Variants in LOC128462377 observed in about 807,000 individuals in gnomAD.
At chr16:89,398,132 C>T in the LOC128462377 span, among the ~76,000 whole-genome samples, 20 of 151,714 alleles carry the variant, frequency 1.3e-4, no homozygotes, top group African/African-American at 4.4e-4. Context: ...AAGAGGGACA[C>T]TGTGAAACAG....
the LOC128462377 span, among the ~76,000 whole-genome samples, chr16:89,373,948 G>A: frequency 3.9e-3 from 588 of 152,352 alleles, 3 homozygotes; most frequent in African/African-American, 0.014. Context: ...ACCACCAAGC[G>A]GGCTGGGGCC....
chr16:89,388,293 ATTTTTTTTTTTTT>A, the LOC128462377 span, among the ~76,000 whole-genome samples: 6 of 85,266 alleles, frequency 7.0e-5, no homozygotes, highest in African/African-American at 2.6e-4. Flanking sequence ...CATGAGGCTG[ATTTTTTTTTTTTT>A]TTTTTTTTTG....
At chr16:89,355,680 C>G in the LOC128462377 span, among the ~76,000 whole-genome samples, 1 of 152,112 alleles carries the variant, frequency 6.6e-6, no homozygotes, top group Non-Finnish European at 1.5e-5. Flanking sequence ...ATAAGTAAAA[C>G]AAGAAAAAAC....
At chr16:89,318,287 A>G in the LOC128462377 span, among the ~76,000 whole-genome samples, 1 of 152,116 alleles carries the variant, frequency 6.6e-6, no homozygotes, top group Non-Finnish European at 1.5e-5. Flanking sequence ...GTTCACCATC[A>G]CAGCCAGGCC....
chr16:89,368,371 G>GTTTTTTT, the LOC128462377 span, among the ~76,000 whole-genome samples: 1 of 56,594 alleles, frequency 1.8e-5, no homozygotes, highest in Non-Finnish European at 3.7e-5. Flanking sequence ...TAATTTTTGT[G>GTTTTTTT]TTTTTTTTTT....
the LOC128462377 span, among the ~76,000 whole-genome samples, chr16:89,337,426 A>ATTTT: frequency 2.7e-4 from 12 of 43,778 alleles, no homozygotes; most frequent in Admixed American, 5.2e-4. Flanking sequence ...GGTCTAAGCA[A>ATTTT]TTCTTTTTTT....
chr16:89,359,484 C>T, the LOC128462377 span, among the ~76,000 whole-genome samples: 18 of 152,210 alleles, frequency 1.2e-4, no homozygotes, highest in African/African-American at 2.7e-4. Context: ...CCCACTGCTT[C>T]GGGATGCAGA....
chr16:89,402,639 G>T, the LOC128462377 span, among the ~76,000 whole-genome samples: 1 of 150,936 alleles, frequency 6.6e-6, no homozygotes, highest in South Asian at 2.1e-4. Context: ...CTGTGGGTGG[G>T]GGGGGCAGCA....
chr16:89,370,698 G>C, the LOC128462377 span: 1 of 152,424 alleles, frequency 6.6e-6, no homozygotes, highest in African/African-American at 2.4e-5. Context: ...TCCACGGCAG[G>C]ACCCGAGAGC....
the LOC128462377 span, among the ~76,000 whole-genome samples, chr16:89,336,343 T>C: frequency 6.6e-6 from 1 of 152,206 alleles, no homozygotes; most frequent in Non-Finnish European, 1.5e-5. Flanking sequence ...TCCAAGATTG[T>C]CGTCAGACCT....
At chr16:89,380,231 G>GC in the LOC128462377 span, among the ~76,000 whole-genome samples, 1 of 152,044 alleles carries the variant, frequency 6.6e-6, no homozygotes, top group East Asian at 1.9e-4. Flanking sequence ...TCCTGTCTCT[G>GC]CCCCCCGAGT....
chr16:89,367,105 A>C, the LOC128462377 span, among the ~76,000 whole-genome samples: 2 of 152,038 alleles, frequency 1.3e-5, no homozygotes, highest in Non-Finnish European at 2.9e-5. Flanking sequence ...CCCGAGACTC[A>C]CCGGATACTC....
chr16:89,415,738 G>C, the LOC128462377 span, among the ~76,000 whole-genome samples: 2 of 146,334 alleles, frequency 1.4e-5, no homozygotes, highest in African/African-American at 2.5e-5. Context: ...TGAGGCAGGA[G>C]AAACTCTTGA....
At chr16:89,371,033 A>G in the LOC128462377 span, among the ~76,000 whole-genome samples, 1 of 152,156 alleles carries the variant, frequency 6.6e-6, no homozygotes, top group Non-Finnish European at 1.5e-5. Context: ...GCAATGTTAT[A>G]GCTGCCCCGT....
At chr16:89,398,453 G>C in the LOC128462377 span, among the ~76,000 whole-genome samples, 2 of 137,866 alleles carry the variant, frequency 1.5e-5, no homozygotes, top group Non-Finnish European at 3.2e-5. Flanking sequence ...AACAGCTGAA[G>C]ATTACCTGTA....
At chr16:89,324,135 C>G in the LOC128462377 span, 1 of 892,632 alleles carries the variant, frequency 1.1e-6, no homozygotes, top group East Asian at 6.9e-5. Context: ...ACAACGCTCT[C>G]TACTGCAGCC....
At chr16:89,413,541 C>T in the LOC128462377 span, among the ~76,000 whole-genome samples, 2 of 152,128 alleles carry the variant, frequency 1.3e-5, no homozygotes, top group African/African-American at 4.8e-5. Flanking sequence ...AGGAGAATGG[C>T]GTGAACCCGG....
chr16:89,325,605 T>C, the LOC128462377 span, among the ~76,000 whole-genome samples: 2 of 151,998 alleles, frequency 1.3e-5, no homozygotes, highest in African/African-American at 4.8e-5. Flanking sequence ...CCGCGAAGCG[T>C]GGAAAATGGC....
the LOC128462377 span, chr16:89,340,119 G>A: frequency 6.6e-6 from 1 of 152,158 alleles, no homozygotes; most frequent in Admixed American, 6.5e-5. Context: ...GTATTTGTCT[G>A]TTTCTTTACA....
Sources: allele counts gnomAD v4.1 joint callset (sites outside exome capture counted in the v4.1 genomes callset), GRCh38; gene constraint gnomAD v4.1.1; transcripts MANE v1.5.